Variants in DCLK1 observed in about 807,000 individuals in gnomAD.
DCLK1 encodes the protein serine/threonine-protein kinase DCLK1.
In DCLK1, 16 loss-of-function variants were observed where a neutral mutation model predicts 86.2. That is an observed-to-expected ratio of 0.19 (90% CI 0.13 to 0.28). The LOEUF is 0.28. DCLK1 is among the 10% of genes least tolerant of loss of function. DCLK1 has a pLI of 1.00. For missense variants in DCLK1, 590 were observed against 940.2 expected (o/e 0.63, Z 4.87); for synonymous variants, 369 against 370.5 (o/e 1.00, Z 0.05).
At chr13:35,956,697 A>G (rs932815552) in intron 3 of DCLK1, among the ~76,000 whole-genome samples, 6 of 2,358 alleles carry the variant, frequency 2.5e-3, no homozygotes, top group Admixed American at 5.2e-3. Context: ...AATATGGATG[A>G]GCGAAGGCTG....
At chr13:35,875,361 T>C (rs755569415) in intron 4 of DCLK1, among the ~76,000 whole-genome samples, 6 of 152,238 alleles carry the variant, frequency 3.9e-5, no homozygotes, top group Non-Finnish European at 7.3e-5. Context: ...ATAATATCCA[T>C]CTGTGATCCA....
chr13:36,015,469 A>C (rs1279249104), intron 3 of DCLK1, among the ~76,000 whole-genome samples: 2 of 152,198 alleles, frequency 1.3e-5, no homozygotes, highest in Non-Finnish European at 2.9e-5. Flanking sequence ...TTGGAAACAG[A>C]AGGCATTTAA....
At chr13:35,915,973 A>T (rs117312389) in intron 4 of DCLK1, among the ~76,000 whole-genome samples, 2,279 of 152,338 alleles carry the variant, frequency 0.015, 28 homozygotes, top group South Asian at 0.057. Flanking sequence ...TAAAACAATT[A>T]AACAAATCAA....
At chr13:36,036,767 A>G (rs1882518341) in intron 3 of DCLK1, among the ~76,000 whole-genome samples, 1 of 152,142 alleles carries the variant, frequency 6.6e-6, no homozygotes, top group South Asian at 2.1e-4. Context: ...TTTGAATGTA[A>G]TTGTTGGTAA....
At chr13:35,933,977 C>T (rs1455121246) in intron 4 of DCLK1, among the ~76,000 whole-genome samples, 2 of 152,114 alleles carry the variant, frequency 1.3e-5, no homozygotes, top group African/African-American at 2.4e-5. Flanking sequence ...TTTTAACAGC[C>T]CCTGAGTCAC....
At chr13:35,920,399 G>A (rs553109522) in intron 4 of DCLK1, among the ~76,000 whole-genome samples, 52 of 152,350 alleles carry the variant, frequency 3.4e-4, no homozygotes, top group Admixed American at 6.5e-4. Context: ...TATAAAGGGA[G>A]AAGATAACGA....
intron 6 of DCLK1, chr13:35,849,807 TGC>T: frequency 1.0e-6 from 1 of 985,322 alleles, no homozygotes; most frequent in Non-Finnish European, 1.2e-6. Flanking sequence ...AAGTGAATTT[TGC>T]TTTTCAAATG....
intron 8 of DCLK1, among the ~76,000 whole-genome samples, chr13:35,832,209 T>C (rs1293948590): frequency 6.6e-6 from 1 of 152,108 alleles, no homozygotes; most frequent in Non-Finnish European, 1.5e-5. Flanking sequence ...GGCAGGAGAA[T>C]GGATCACTTG....
chr13:36,077,265 C>T (rs2153162804), intron 3 of DCLK1, among the ~76,000 whole-genome samples: 1 of 152,232 alleles, frequency 6.6e-6, no homozygotes. Flanking sequence ...AAAATTACAA[C>T]ATATTTTGCA....
intron 5 of DCLK1, among the ~76,000 whole-genome samples, chr13:35,870,263 G>A (rs562803854): frequency 8.1e-4 from 123 of 152,268 alleles, no homozygotes; most frequent in African/African-American, 2.8e-3. Context: ...GAGAATAGCA[G>A]TAATTGGTAA....
intron 6 of DCLK1, among the ~76,000 whole-genome samples, chr13:35,842,225 T>G (rs1593651053): frequency 3.4e-5 from 2 of 58,498 alleles, no homozygotes; most frequent in South Asian, 7.3e-4. Context: ...TGAGACTCCA[T>G]CTCAAAAAAA....
intron 5 of DCLK1, among the ~76,000 whole-genome samples, chr13:35,868,045 T>C (rs1349163976): frequency 7.1e-6 from 1 of 140,530 alleles, no homozygotes; most frequent in Admixed American, 7.2e-5. Context: ...TTTTTTGAGA[T>C]GGAGTCTTGC....
At position 35,861,959 on chromosome 13, in the gene DCLK1, G is replaced by A. The variant is rs572667825; in HGVS notation, c.941-7366C>T. Among the ~76,000 whole-genome samples the A allele has an allele frequency of 1.9e-4, 29 of 151,368 alleles. No homozygotes were observed. In the South Asian group the frequency reaches 6.1e-3, roughly 32 times the overall value. ...AGGCGGGAGAATGGCATGAACCCAG[G>A]AGGCGGAGCTAGCAGTGAGCGGAGA... On this transcript the variant is annotated intron_variant, in intron 5 of 16. Coordinates refer to ENST00000360631, the MANE Select transcript of DCLK1 (RefSeq NM_001330071.2).
chr13:35,996,958 T>G (rs1880504448), intron 3 of DCLK1, among the ~76,000 whole-genome samples: 1 of 152,208 alleles, frequency 6.6e-6, no homozygotes, highest in African/African-American at 2.4e-5. Flanking sequence ...GTTATTTATT[T>G]TACATGCAGT....
At position 35,774,346 on chromosome 13, in the gene DCLK1, C is replaced by A. The variant is rs1427032068; in HGVS notation, c.*189G>T. The A allele has an allele frequency of 4.9e-5, 37 of 762,434 alleles. No individual in the cohort carries two copies. The highest frequency in any genetic ancestry group is 6.6e-5 in the Non-Finnish European group (33 of 497,134). The allele number at this position is 762,434 out of a possible 1,614,324, so 47.2% of individuals were successfully genotyped here. A position where few individuals can be genotyped will look rare whatever the true frequency, so the allele number is the denominator to read the frequency against. ...TCTATTAGCAGCAAATTACCATCTT[C>A]ACAATCACCACGTGTCATCTTATTC... is the stretch of plus-strand genomic sequence containing the variant. On this transcript the variant is annotated 3_prime_UTR_variant, in exon 17 of 17. Transcript: ENST00000360631.
chr13:36,031,495 A>G (rs1423373471), intron 3 of DCLK1, among the ~76,000 whole-genome samples: 2 of 152,230 alleles, frequency 1.3e-5, no homozygotes, highest in Non-Finnish European at 2.9e-5. Context: ...GTTCGTACAT[A>G]TGTCATCAAA....
At chr13:35,850,140 A>G (rs1870501498) in intron 6 of DCLK1, 1 of 985,262 alleles carries the variant, frequency 1.0e-6, no homozygotes, top group Admixed American at 6.1e-5. Context: ...GGATGTACTA[A>G]CCCACAAAAC....
chr13:35,796,680 G>C (rs1167178086), intron 15 of DCLK1, among the ~76,000 whole-genome samples: 2 of 152,178 alleles, frequency 1.3e-5, no homozygotes, highest in Non-Finnish European at 2.9e-5. Flanking sequence ...CACATAGCTA[G>C]AAAGTGGTTG....
intron 3 of DCLK1, among the ~76,000 whole-genome samples, chr13:36,075,461 G>C (rs936296225): frequency 3.3e-5 from 5 of 152,120 alleles, no homozygotes; most frequent in Admixed American, 1.3e-4. Flanking sequence ...TTGGGAAATC[G>C]AGCATATGTC....
Sources: gnomAD v4.1 joint callset for allele counts (sites outside exome capture counted in the v4.1 genomes callset) on GRCh38, gnomAD v4.1.1 for gene constraint, MANE v1.5 for transcripts, NCBI Gene and HGNC (gene_info 2026-07-23, HGNC 2026-07-21) for gene names.